Variants in TRPV4 observed in about 807,000 individuals in gnomAD.
TRPV4 encodes transient receptor potential cation channel subfamily V member 4, also known as OSM9-like transient receptor potential channel 4.
In TRPV4, 58 loss-of-function variants were observed where a neutral mutation model predicts 84.1. The ratio of observed to expected loss-of-function variants is 0.69; its 90% CI spans 0.56 to 0.86. TRPV4 has a LOEUF of 0.86. TRPV4 is among the 40% of genes least tolerant of loss of function. The pLI is 0.00. For missense variants in TRPV4, 879 were observed against 1,181.1 expected (o/e 0.74, Z 3.75); for synonymous variants, 489 against 500.9 (o/e 0.98, Z 0.32).
At chr12:109,784,149 G>A (rs558850788) in intron 15 of TRPV4, among the ~76,000 whole-genome samples, 167 bp downstream of exon 15, 20 of 152,350 alleles carry the variant, frequency 1.3e-4, no homozygotes, top group African/African-American at 4.1e-4. Flanking sequence ...ATGAAGCCAC[G>A]TAGGTGAGGT....
intron 7 of TRPV4, among the ~76,000 whole-genome samples, chr12:109,794,872 G>C (rs1890294845): frequency 6.6e-6 from 1 of 152,100 alleles, no homozygotes; most frequent in Non-Finnish European, 1.5e-5. Flanking sequence ...ACAACAATTA[G>C]CCGGGCGTGG....
intron 12 of TRPV4, 143 bp from the exon 13 acceptor site, chr12:109,788,859 C>T (rs1889865433): frequency 1.1e-6 from 1 of 925,354 alleles, no homozygotes; most frequent in Non-Finnish European, 1.7e-6. Flanking sequence ...TGTCACCCTA[C>T]ACATCAGCCA....
intron 11 of TRPV4, 80 bp from the exon 12 acceptor site, chr12:109,792,509 G>C: frequency 6.3e-7 from 1 of 1,579,214 alleles, no homozygotes; most frequent in Non-Finnish European, 8.7e-7. Context: ...TCTCCACCCT[G>C]GTCCCACCCC....
At chr12:109,788,799 A>G in intron 12 of TRPV4, 83 bp from the exon 13 acceptor site, 1 of 1,523,944 alleles carries the variant, frequency 6.6e-7, no homozygotes, top group South Asian at 1.1e-5. Flanking sequence ...TTGCTGGAGG[A>G]GAAAGCTGAG....
At chr12:109,819,471 G>C (rs761677920) in intron 1 of TRPV4, among the ~76,000 whole-genome samples, 11 of 152,248 alleles carry the variant, frequency 7.2e-5, no homozygotes, top group Non-Finnish European at 1.5e-4. Context: ...AGCTGCACCA[G>C]GTGTGCATCA....
At position 109,798,478 on chromosome 12, in the gene TRPV4, G is replaced by T; in HGVS notation, c.1152+136C>A. ...GAGCCATAGCAGGTTCTTGAGCTGG[G>T]ACATCTGCACACTGGGGTTGGCATG... On this transcript the variant is annotated intron_variant, in intron 6 of 15. Transcript: ENST00000261740. This position sits in a 1 kb window ranked among gnomAD's most constrained non-coding sequence, Gnocchi z 5.0. 2 of 1,124,768 alleles carry T rather than the reference G, an allele frequency of 1.8e-6. No individual in the cohort carries two copies. The highest frequency in any genetic ancestry group is 2.6e-6 in the Non-Finnish European group (2 of 782,922). 69.7% of individuals were successfully genotyped at this position (1,124,768 alleles called of 1,614,324 possible).
Position 109,783,989 on chromosome 12 carries a change from G to A in TRPV4, c.2459-211C>T, listed in dbSNP as rs1405632266. ...GGAACCAGGATTCAAGCCTGGAGCC[G>A]AATGCCCTGAGTGCCTGTGTCCTCT... On this transcript the variant is annotated intron_variant, in intron 15 of 15. Transcript: ENST00000261740. The surrounding 1 kb of genome is among the most constrained non-coding windows in gnomAD (Gnocchi z 4.6). Among the ~76,000 whole-genome samples the A allele has an allele frequency of 3.3e-5, 5 of 152,128 alleles. No homozygotes were observed. Among genetic ancestry groups the A allele is most frequent in the Non-Finnish European group, 5.9e-5 (4 of 68,024 alleles).
chr12:109,813,193 C>T (rs1038761685), intron 2 of TRPV4, among the ~76,000 whole-genome samples: 1 of 152,040 alleles, frequency 6.6e-6, no homozygotes, highest in Non-Finnish European at 1.5e-5. Context: ...AGGTGGATCA[C>T]GAGGTCAGGA....
rs141244183 is a variant in TRPV4 at position 109,796,549 on chromosome 12, G to A, written c.1308C>T (p.Ile436=). The change falls in exon 7 of 16, where the codon ATC becomes ATT. Residue 436 remains isoleucine (I), a synonymous_variant. Transcript: ENST00000261740. This position sits in a 1 kb window ranked among gnomAD's most constrained non-coding sequence, Gnocchi z 4.2. The part of the protein sequence containing the change: ...TCGEEASVLE[I]LVYNSKIENR... ...CCTCAATCTTGCTGTTGTACACCAG[G>A]ATCTCCAGCACGGAGGCCTCTTCCC... 3,064 of 1,614,108 alleles carry A rather than the reference G, an allele frequency of 1.9e-3. 1 individual carries two copies. Among genetic ancestry groups the A allele is most frequent in the Non-Finnish European group, 2.4e-3 (2,861 of 1,180,008 alleles).
chr12:109,792,963 GCA>G (rs1890140386), intron 10 of TRPV4, 146 bp from the exon 11 acceptor site: 1 of 763,830 alleles, frequency 1.3e-6, no homozygotes, highest in Admixed American at 2.6e-5. Context: ...AAGTGGATTA[GCA>G]GGGTTCCCCA....
chr12:109,797,601 G>A (rs1031794767), intron 6 of TRPV4, among the ~76,000 whole-genome samples: 5 of 152,188 alleles, frequency 3.3e-5, no homozygotes, highest in African/African-American at 9.7e-5. Flanking sequence ...TTACAGACAC[G>A]AGCCACTGAG....
chr12:109,829,028 C>CT (rs199796139), intron 1 of TRPV4, among the ~76,000 whole-genome samples: 575 of 151,212 alleles, frequency 3.8e-3, no homozygotes, highest in African/African-American at 0.012. Flanking sequence ...TGAAAAAAAC[C>CT]TTTTTTTTTA....
chr12:109,808,637 A>G (rs536343905), intron 2 of TRPV4, among the ~76,000 whole-genome samples, 169 bp from the exon 3 acceptor site: 30 of 152,276 alleles, frequency 2.0e-4, no homozygotes, highest in Admixed American at 5.9e-4. Context: ...TGTTTTATCC[A>G]ACAAACTATA....
chr12:109,800,607 C>A lies in TRPV4; in HGVS notation c.853+11G>T, dbSNP rs747256820. 6.8e-6 allele frequency: 11 copies of A among 1,614,138 alleles called. No homozygotes were observed. Among genetic ancestry groups the A allele is most frequent in the Non-Finnish European group, 4.2e-6 (5 of 1,180,034 alleles). On this transcript the variant is annotated intron_variant, in intron 5 of 15. Transcript: ENST00000261740. ...CAGCATGCTGTCAGCCCCCACCAGG[C>A]CCCTCCTTACCAAAGTAGAAGTAGC...
In TRPV4 at chr12:109,793,461, G is replaced by T; in HGVS notation, c.1658+66C>A. 7.3e-7 allele frequency: 1 copy of T among 1,372,062 alleles called. No homozygotes were observed. Among genetic ancestry groups the T allele is most frequent in the South Asian group, 1.2e-5 (1 of 85,974 alleles). The allele number at this position is 1,372,062 out of a possible 1,614,324, so 85.0% of individuals were successfully genotyped here. The stretch of plus-strand genomic sequence containing the variant: ...CAGAATCACCTCTCTCCTGAATCTG[G>T]ACGACCTAGCAGCCCAAACCCACCT... On this transcript the variant is annotated intron_variant, in intron 10 of 15. Transcript: ENST00000261740. The surrounding 1 kb of genome is among the most constrained non-coding windows in gnomAD (Gnocchi z 4.0).
chr12:109,788,338 T>G (rs936895892), intron 13 of TRPV4, 62 bp downstream of exon 13: 19 of 1,518,258 alleles, frequency 1.3e-5, no homozygotes, highest in South Asian at 3.5e-5. Flanking sequence ...GCCAGTCGGG[T>G]GGGTCTCCTC....
At chr12:109,784,592 G>A (rs1214281415) in intron 14 of TRPV4, among the ~76,000 whole-genome samples, 155 bp from the exon 15 acceptor site, 4 of 152,026 alleles carry the variant, frequency 2.6e-5, no homozygotes, top group African/African-American at 7.2e-5. Flanking sequence ...CACTTTGGGA[G>A]GCCGAGGTGG....
chr12:109,817,110 G>A (rs1236410979), intron 1 of TRPV4, among the ~76,000 whole-genome samples: 1 of 152,184 alleles, frequency 6.6e-6, no homozygotes, highest in Non-Finnish European at 1.5e-5. Flanking sequence ...TGGCCAGACA[G>A]GAGAGGGGGA....
intron 3 of TRPV4, among the ~76,000 whole-genome samples, chr12:109,805,077 C>T (rs1265540015): frequency 6.6e-6 from 1 of 152,204 alleles, no homozygotes; most frequent in Non-Finnish European, 1.5e-5. Flanking sequence ...TTTGTTGACA[C>T]CTGTTACAGT....
Sources: allele counts gnomAD v4.1 joint callset (sites outside exome capture counted in the v4.1 genomes callset), GRCh38; gene constraint gnomAD v4.1.1; non-coding constraint Gnocchi (gnomAD v3.1); transcripts MANE v1.5; gene names NCBI Gene and HGNC (gene_info 2026-07-23, HGNC 2026-07-21).